ARHGEF10: variants seen among roughly 807,000 people sequenced by gnomAD.
ARHGEF10 encodes the protein Rho guanine nucleotide exchange factor (GEF) 10.
In ARHGEF10, 140 loss-of-function variants were observed where a neutral mutation model predicts 147.4. The ratio of observed to expected loss-of-function variants is 0.95; its 90% confidence interval spans 0.83 to 1.09. The LOEUF is 1.09. Ranked by LOEUF, ARHGEF10 falls within the 50% of genes least tolerant of loss-of-function variation. The pLI is 0.00. For synonymous variants in ARHGEF10, 902 were observed against 695.8 expected (o/e 1.30, Z -4.67); for missense variants, 2,222 against 1,752.7 (o/e 1.27, Z -4.78).
At chr8:1,879,166 C>T (rs1196480075) in intron 8 of ARHGEF10, among the ~76,000 whole-genome samples, 4 of 152,132 alleles carry the variant, frequency 2.6e-5, no homozygotes, top group Non-Finnish European at 5.9e-5. Flanking sequence ...AGAAATGCCC[C>T]GAGACGAGCC....
At chr8:1,850,143 G>T (rs1804967921) in intron 2 of ARHGEF10, among the ~76,000 whole-genome samples, 1 of 137,772 alleles carries the variant, frequency 7.3e-6, no homozygotes, top group East Asian at 2.1e-4. Flanking sequence ...GCTGAGGAGG[G>T]TGTGGGGCGG....
At chr8:1,932,852 A>G (rs1450113855) in intron 25 of ARHGEF10, among the ~76,000 whole-genome samples, 1 of 152,230 alleles carries the variant, frequency 6.6e-6, no homozygotes, top group African/African-American at 2.4e-5. Context: ...TCCTGAGTGA[A>G]GTGTGTTTAT....
chr8:1,941,801 A>G (rs529869971), intron 26 of ARHGEF10, among the ~76,000 whole-genome samples: 3 of 152,310 alleles, frequency 2.0e-5, no homozygotes, highest in South Asian at 2.1e-4. Context: ...ACGTGTGTCT[A>G]TGTTCACATA....
chr8:1,915,142 A>T (rs953361366), intron 18 of ARHGEF10, among the ~76,000 whole-genome samples: 9 of 152,180 alleles, frequency 5.9e-5, no homozygotes, highest in African/African-American at 1.9e-4. Context: ...CAACATCTGT[A>T]TGCTGAGAAA....
chr8:1,880,981 G>T (rs1198582395), intron 9 of ARHGEF10, among the ~76,000 whole-genome samples: 2 of 152,228 alleles, frequency 1.3e-5, no homozygotes, highest in Non-Finnish European at 2.9e-5. Context: ...CCCCTGCAGG[G>T]TGTCTGATGG....
At chr8:1,929,517 C>T in intron 25 of ARHGEF10, 74 bp downstream of exon 25, 1 of 1,498,346 alleles carries the variant, frequency 6.7e-7, no homozygotes, top group Non-Finnish European at 8.9e-7. Flanking sequence ...GTTTAGCCTC[C>T]CCACCTCCCC....
intron 17 of ARHGEF10, among the ~76,000 whole-genome samples, chr8:1,907,544 AGGCTGCT>A (rs1428340760): frequency 6.6e-6 from 1 of 152,204 alleles, no homozygotes; most frequent in East Asian, 1.9e-4. Context: ...AGAACCCCTC[AGGCTGCT>A]GTTGGGGAGC....
At chr8:1,924,361 ATTTCCTTG>A (rs1812527413) in intron 21 of ARHGEF10, among the ~76,000 whole-genome samples, 1 of 152,014 alleles carries the variant, frequency 6.6e-6, no homozygotes, top group South Asian at 2.1e-4. Context: ...TGACTTTATG[ATTTCCTTG>A]TTCCTATGTC....
intron 17 of ARHGEF10, among the ~76,000 whole-genome samples, chr8:1,908,860 G>T (rs1346861730): frequency 6.6e-6 from 1 of 152,122 alleles, no homozygotes; most frequent in Admixed American, 6.5e-5. Flanking sequence ...GGTATGATTT[G>T]ATTCTATTAA....
chr8:1,885,026 A>G (rs988223821), intron 10 of ARHGEF10, among the ~76,000 whole-genome samples: 38 of 152,164 alleles, frequency 2.5e-4, no homozygotes, highest in Non-Finnish European at 4.4e-5. Flanking sequence ...CGGTCTCCCA[A>G]AGTGCTGGGA....
Position 1,903,311 on chromosome 8 carries a change from C to G in ARHGEF10, c.1681C>G (p.Pro561Ala), listed in dbSNP as rs1328285543. ...DMLKNTSKGH[P>A]DRLPLQMALT... ...GCTGAAGAACACCTCCAAAGGCCAC[C>G]CCGACAGGCTGCCTCTTCAGATGGC... Residue 561 changes from proline to alanine, a missense_variant, in exon 16 of 29, where the codon CCC becomes GCC. Physicochemically the swap from Pro to Ala is conservative, Grantham distance 27. Transcript: ENST00000349830. 2 of 1,614,126 alleles carry G rather than the reference C, an allele frequency of 1.2e-6. No individual in the cohort carries two copies. The highest frequency in any genetic ancestry group is 1.7e-5 in the Admixed American group (1 of 60,024).
At chr8:1,855,328 G>C (rs555843336) in intron 2 of ARHGEF10, among the ~76,000 whole-genome samples, 6 of 152,300 alleles carry the variant, frequency 3.9e-5, no homozygotes, top group African/African-American at 1.4e-4. Flanking sequence ...GTCACCGTCT[G>C]GATGAATCTG....
Position 1,957,526 on chromosome 8 carries a change from A to C in ARHGEF10, c.*263A>C. 2 of 576,002 alleles carry C rather than the reference A, an allele frequency of 3.5e-6. No individual in the cohort carries two copies. Among genetic ancestry groups the C allele is most frequent in the East Asian group, 3.0e-5 (1 of 33,748 alleles). The allele number at this position is 576,002 out of a possible 1,614,324, so 35.7% of individuals were successfully genotyped here. ...CGAGTAATTGAGTGCAGTTCTGGGA[A>C]AATACCACATTCTTTTTGACTGCTG... On this transcript the variant is annotated 3_prime_UTR_variant, in exon 29 of 29. Transcript: ENST00000349830.
At chr8:1,823,685 G>A (rs913825776), upstream of ARHGEF10, among the ~76,000 whole-genome samples, 1 of 151,902 alleles carries the variant, frequency 6.6e-6, no homozygotes, top group Middle Eastern at 3.2e-3. Context: ...GGGGTCCGCG[G>A]GGCAGGAGAT....
In ARHGEF10 at chr8:1,893,595, A is replaced by T. The variant is rs532728993; in HGVS notation, c.1209A>T (p.Ser403=). The change falls in exon 12 of 29, where the codon TCA becomes TCT. Residue 403 remains serine, a synonymous_variant. Transcript: ENST00000349830. ...TTGTAAGAAGATATATACTGGGTTC[A>T]GTTGTCGACAGTGAAAAGAACTACG... ...QQVVRRYILG[S]VVDSEKNYVD... 2 of 1,613,730 alleles carry T rather than the reference A, an allele frequency of 1.2e-6. No individual in the cohort carries two copies. The highest frequency in any genetic ancestry group is 1.1e-5 in the South Asian group (1 of 91,070).
intron 25 of ARHGEF10, 148 bp downstream of exon 25, chr8:1,929,591 C>A: frequency 1.1e-6 from 1 of 931,058 alleles, no homozygotes; most frequent in Non-Finnish European, 1.5e-6. Context: ...GCCCAAGGCC[C>A]GGGTGCCTTG....
At chr8:1,900,014 A>T (rs1810326327) in intron 15 of ARHGEF10, among the ~76,000 whole-genome samples, 1 of 152,230 alleles carries the variant, frequency 6.6e-6, no homozygotes, top group South Asian at 2.1e-4. Flanking sequence ...GTCGCCAGGG[A>T]CGACAGCAAG....
intron 1 of ARHGEF10, among the ~76,000 whole-genome samples, chr8:1,839,439 G>GTGTCTGGTGTGGAAGC (rs1232176302): frequency 3.5e-5 from 3 of 86,782 alleles, no homozygotes; most frequent in Non-Finnish European, 6.7e-5. Flanking sequence ...GGTGTGGGGA[G>GTGTCTGGTGTGGAAGC]TGTCTGGTGT....
At chr8:1,906,899 C>T (rs995160726) in intron 17 of ARHGEF10, among the ~76,000 whole-genome samples, 5 of 152,098 alleles carry the variant, frequency 3.3e-5, no homozygotes, top group African/African-American at 1.2e-4. Flanking sequence ...CAAAATAAGT[C>T]CAAAAAATAT....
Sources: gnomAD v4.1 joint callset for allele counts (sites outside exome capture counted in the v4.1 genomes callset) on GRCh38, gnomAD v4.1.1 for gene constraint, MANE v1.5 for transcripts, NCBI Gene and HGNC (gene_info 2026-07-23, HGNC 2026-07-21) for gene names.